TNIK: variants seen among roughly 807,000 people sequenced by gnomAD.
TNIK encodes the protein TRAF2 and NCK-interacting protein kinase.
Under a neutral mutation model 191.3 loss-of-function variants are expected in TNIK, and 49 were observed. The observed-to-expected ratio is 0.26, with a 90% CI of 0.20 to 0.32. The LOEUF is 0.32. Ranked by LOEUF, TNIK falls within the 10% of genes least tolerant of loss-of-function variation. The pLI, the probability that TNIK is intolerant of heterozygous loss-of-function variation, is 1.00. For synonymous variants in TNIK, 594 were observed against 600.9 expected, an observed-to-expected ratio of 0.99 and a Z score of 0.17; for missense variants, 1,155 against 1,702.3, an observed-to-expected ratio of 0.68 and a Z score of 5.66.
At chr3:171,156,609 T>G (rs6444967) in intron 12 of TNIK, among the ~76,000 whole-genome samples, 34,620 of 151,956 alleles carry the variant, frequency 0.23, 4,367 homozygotes, top group African/African-American at 0.33. Flanking sequence ...AGGCCTGAGA[T>G]ATCTGGGCAA....
At chr3:171,436,163 C>T (rs774640927) in intron 1 of TNIK, among the ~76,000 whole-genome samples, 4 of 152,198 alleles carry the variant, frequency 2.6e-5, no homozygotes, top group Non-Finnish European at 5.9e-5. Flanking sequence ...ATCTTCCCCA[C>T]TCCTATACAG....
At chr3:171,310,036 CT>C (rs1356878991) in intron 2 of TNIK, among the ~76,000 whole-genome samples, 3 of 152,178 alleles carry the variant, frequency 2.0e-5, no homozygotes, top group Admixed American at 2.0e-4. Flanking sequence ...ACTTCCTTAC[CT>C]ATTACTTAAC....
rs1693477027 is a variant in TNIK at position 171,060,185 on chromosome 3, T to C, written c.*3696A>G. ...TGACGGGAACTGGTACACATAGTAG[T>C]AGGGAAAGCATTTTTTTAAAAGCTT... On this transcript the variant is annotated 3_prime_UTR_variant, in exon 33 of 33. Transcript: ENST00000436636. Among the ~76,000 whole-genome samples the C allele has an allele frequency of 6.6e-6, 1 of 152,096 alleles. No individual in the cohort carries two copies. The highest frequency in any genetic ancestry group is 1.5e-5 in the Non-Finnish European group (1 of 68,022).
intron 1 of TNIK, among the ~76,000 whole-genome samples, chr3:171,448,392 C>G (rs1011990303): frequency 1.3e-5 from 2 of 152,110 alleles, no homozygotes; most frequent in African/African-American, 4.8e-5. Context: ...TCGTGTTTGG[C>G]TTTTTTCACA....
chr3:171,430,333 T>A (rs1326309080), intron 1 of TNIK, among the ~76,000 whole-genome samples: 1 of 152,138 alleles, frequency 6.6e-6, no homozygotes, highest in Non-Finnish European at 1.5e-5. Context: ...AATACTTTGT[T>A]TTTTAACGTG....
intron 9 of TNIK, among the ~76,000 whole-genome samples, chr3:171,169,275 T>A (rs1734996304): frequency 6.8e-6 from 1 of 146,994 alleles, no homozygotes; most frequent in African/African-American, 2.5e-5. Context: ...TTATCATTAT[T>A]TTTTTTTTTT....
intron 2 of TNIK, among the ~76,000 whole-genome samples, chr3:171,312,113 T>TTAA (rs1754087879): frequency 8.9e-5 from 2 of 22,536 alleles, no homozygotes; most frequent in Non-Finnish European, 1.5e-4. Flanking sequence ...AGCTCCAGAT[T>TTAA]AAAAAAAAAA....
At chr3:171,336,345 T>A (rs1443229787) in intron 2 of TNIK, among the ~76,000 whole-genome samples, 1 of 152,144 alleles carries the variant, frequency 6.6e-6, no homozygotes, top group Non-Finnish European at 1.5e-5. Flanking sequence ...ACTCTTAACC[T>A]CCTATCAGTT....
At chr3:171,068,290 G>A (rs1239867061) in intron 30 of TNIK, among the ~76,000 whole-genome samples, 2 of 152,046 alleles carry the variant, frequency 1.3e-5, no homozygotes, top group East Asian at 3.9e-4. Flanking sequence ...TATGGGATAA[G>A]TCTTTTTATC....
rs1394884676 is a variant in TNIK at position 171,264,109 on chromosome 3, C to CATAT, written c.124-35889_124-35888insATAT. On this transcript the variant is annotated intron_variant, in intron 2 of 32. Coordinates refer to ENST00000436636, the MANE Select transcript of TNIK (RefSeq NM_015028.4). ...ACACACACACACACACACACACACACACATATATATATATATATATATACA... is the reference window on the plus strand; with the variant it reads ...ACACACACACACACACACACACACACATATACATATATATATATATATATATACA... Among the ~76,000 whole-genome samples, 119 of 57,770 alleles carry CATAT rather than the reference C, an allele frequency of 2.1e-3. 1 individual carries two copies. Among genetic ancestry groups the CATAT allele is most frequent in the East Asian group, 2.6e-3 (9 of 3,520 alleles). The allele number at this position is 57,770 out of a possible 152,430, so 37.9% of individuals were successfully genotyped here.
intron 2 of TNIK, among the ~76,000 whole-genome samples, chr3:171,329,369 T>C (rs1001557995): frequency 0.056 from 19 of 340 alleles, 1 homozygote; most frequent in African/African-American, 0.16. Flanking sequence ...CAAAAATATA[T>C]ATTTTTAAAT....
intron 12 of TNIK, among the ~76,000 whole-genome samples, chr3:171,145,375 C>T (rs1269403529): frequency 6.6e-6 from 1 of 152,006 alleles, no homozygotes; most frequent in Non-Finnish European, 1.5e-5. Context: ...TGTGAGCCAC[C>T]GCACCCGGCC....
At chr3:171,083,865 T>C (rs913440607) in intron 26 of TNIK, among the ~76,000 whole-genome samples, 1 of 152,204 alleles carries the variant, frequency 6.6e-6, no homozygotes, top group African/African-American at 2.4e-5. Flanking sequence ...GCCCACTCAA[T>C]GTATTCAGTG....
chr3:171,110,350 G>C (rs772110774), intron 19 of TNIK, among the ~76,000 whole-genome samples: 7 of 152,152 alleles, frequency 4.6e-5, no homozygotes, highest in Non-Finnish European at 8.8e-5. Context: ...AGGACAATTG[G>C]TGCAATGCGT....
At chr3:171,439,614 T>C (rs1157706693) in intron 1 of TNIK, 1 of 152,208 alleles carries the variant, frequency 6.6e-6, no homozygotes. Flanking sequence ...ACTGCTTCAA[T>C]CGACTAGCCT....
chr3:171,294,720 T>C (rs1394172471), intron 2 of TNIK, among the ~76,000 whole-genome samples: 1 of 151,794 alleles, frequency 6.6e-6, no homozygotes, highest in Non-Finnish European at 1.5e-5. Context: ...AAACTCCATC[T>C]CAATAATAAT....
intron 18 of TNIK, 40 bp from the exon 19 acceptor site, chr3:171,110,917 C>G: frequency 6.6e-7 from 1 of 1,521,926 alleles, no homozygotes. Flanking sequence ...ACTCTCCAGA[C>G]CTTGCCAGTT....
intron 4 of TNIK, among the ~76,000 whole-genome samples, chr3:171,209,064 G>GGTGTGTGTGTGTGTGTGTGT (rs61264225): frequency 7.0e-5 from 10 of 142,116 alleles, no homozygotes; most frequent in African/African-American, 1.3e-4. Flanking sequence ...CTTTGGAAGG[G>GGTGTGTGTGTGTGTGTGTGT]GTGTGTGTGT....
intron 27 of TNIK, among the ~76,000 whole-genome samples, chr3:171,080,611 A>G (rs1039874004): frequency 6.6e-6 from 1 of 151,838 alleles, no homozygotes; most frequent in Non-Finnish European, 1.5e-5. Flanking sequence ...GCTAATTTTT[A>G]TATTTTTAGT....
Sources: allele counts gnomAD v4.1 joint callset (sites outside exome capture counted in the v4.1 genomes callset), GRCh38; gene constraint gnomAD v4.1.1; transcripts MANE v1.5; gene names NCBI Gene and HGNC (gene_info 2026-07-23, HGNC 2026-07-21).